Variants in KSR1 observed in about 807,000 individuals in gnomAD.
KSR1 encodes the protein kinase suppressor of ras.
Under a neutral mutation model 92.9 loss-of-function variants are expected in KSR1, and 35 were observed. The observed-to-expected ratio is 0.38, with a 90% CI of 0.29 to 0.50. The LOEUF is 0.50. Ranked by LOEUF, KSR1 falls within the 20% of genes least tolerant of loss-of-function variation. The pLI is 0.94. For synonymous variants in KSR1, 467 were observed against 472.6 expected (o/e 0.99, Z 0.15); for missense variants, 972 against 1,158.5 (o/e 0.84, Z 2.34).
chr17:27,578,534 T>C (rs925437368), intron 3 of KSR1: 4 of 152,304 alleles, frequency 2.6e-5, no homozygotes, highest in African/African-American at 9.6e-5. Context: ...TTCTCACATA[T>C]TACAGGAGAC....
At chr17:27,585,956 C>G (rs1481847646) in intron 5 of KSR1, 1 of 459,066 alleles carries the variant, frequency 2.2e-6, no homozygotes, top group African/African-American at 2.0e-5. Context: ...CCTTCCCCAC[C>G]GAGACTCTCC....
In KSR1 at chr17:27,553,458, G is replaced by C. The variant is rs73983469; in HGVS notation, c.372+2750G>C. On this transcript the variant is annotated intron_variant, in intron 2 of 20. Coordinates refer to ENST00000644974, the MANE Select transcript of KSR1 (RefSeq NM_001394583.1). ...GAGGGCGGCACACCAGCCTGACAGA[G>C]CTGGGCCAAGTGTCCTCCTTCCGTC... 3.0e-3 allele frequency among the ~76,000 whole-genome samples: 452 copies of C among 152,324 alleles called. 3 individuals are homozygous for C. The highest frequency in any genetic ancestry group is 9.7e-3 in the African/African-American group (402 of 41,576).
chr17:27,583,691 T>C (rs1161266044), intron 4 of KSR1, among the ~76,000 whole-genome samples: 1 of 152,272 alleles, frequency 6.6e-6, no homozygotes, highest in East Asian at 1.9e-4. Context: ...TACCATCTAC[T>C]CTGTCCCATG....
chr17:27,527,173 T>G, intron 1 of KSR1: 1 of 259,768 alleles, frequency 3.8e-6, no homozygotes, highest in South Asian at 5.2e-5. Flanking sequence ...GGGTACTCTT[T>G]TCTAGTTCTG....
Position 27,621,210 on chromosome 17 carries a change from A to G in KSR1, c.2645A>G (p.Tyr882Cys), listed in dbSNP as rs1049158780. 8.3e-5 allele frequency: 33 copies of G among 398,638 alleles called. No homozygotes were observed. Among genetic ancestry groups the G allele is most frequent in the Middle Eastern group, 6.3e-4 (1 of 1,590 alleles). The allele number at this position is 398,638 out of a possible 1,614,324, so 24.7% of individuals were successfully genotyped here. A position where few individuals can be genotyped will look rare whatever the true frequency, so the allele number is the denominator to read the frequency against. Reference sequence around the variant, plus strand: ...ACTCCCAGTCGCTGGAGGAGCCGCTACTATGGAAAAGGACGCTACGGCCAC... The same window carrying G: ...ACTCCCAGTCGCTGGAGGAGCCGCTGCTATGGAAAAGGACGCTACGGCCAC... ...WKSADRWRSR[Y>C]YGKGRYGHPD... The change falls in exon 20 of 21, where the codon TAC (tyrosine) becomes TGC (cysteine). Residue 882 changes from tyrosine to cysteine, a missense_variant. Tyr to Cys is a radical substitution (Grantham distance 194, BLOSUM62 -2). Around this residue, in one of 5 missense-constraint regions of KSR1, gnomAD observed 46 missense variants for 39.0 expected, o/e 1.18. Coordinates refer to ENST00000644974, the MANE Select transcript of KSR1 (RefSeq NM_001394583.1).
chr17:27,469,716 G>A (rs73270198), intron 1 of KSR1, among the ~76,000 whole-genome samples: 9,723 of 152,144 alleles, frequency 0.064, 406 homozygotes, highest in South Asian at 0.16. Flanking sequence ...CGCCTTTCAC[G>A]TAGCATTACT....
intron 1 of KSR1, among the ~76,000 whole-genome samples, chr17:27,498,198 C>T (rs62057780): frequency 1.3e-5 from 2 of 151,834 alleles, no homozygotes; most frequent in African/African-American, 4.8e-5. Context: ...AGTGTGGTGG[C>T]GGGCGCCTGT....
chr17:27,596,396 C>T (rs1567869422), intron 9 of KSR1, among the ~76,000 whole-genome samples: 1 of 152,202 alleles, frequency 6.6e-6, no homozygotes, highest in African/African-American at 2.4e-5. Context: ...CTAAAGATGT[C>T]TCACTAGGCA....
chr17:27,564,087 C>G (rs1390324100), intron 2 of KSR1, among the ~76,000 whole-genome samples: 1 of 136,386 alleles, frequency 7.3e-6, no homozygotes, highest in Admixed American at 8.7e-5. Flanking sequence ...CTCCCAGGTT[C>G]AAGCTATTCT....
intron 1 of KSR1, among the ~76,000 whole-genome samples, chr17:27,541,180 A>G (rs1180564362): frequency 6.6e-6 from 1 of 152,206 alleles, no homozygotes; most frequent in Non-Finnish European, 1.5e-5. Context: ...CCTACTGAGG[A>G]GAAAGGAGTC....
chr17:27,573,454 TC>T (rs2072386636), intron 2 of KSR1, among the ~76,000 whole-genome samples: 1 of 152,230 alleles, frequency 6.6e-6, no homozygotes, highest in Non-Finnish European at 1.5e-5. Flanking sequence ...TAAAGGTTTT[TC>T]TGTATATCAT....
intron 1 of KSR1, among the ~76,000 whole-genome samples, chr17:27,541,773 T>A (rs2070975964): frequency 6.6e-6 from 1 of 152,220 alleles, no homozygotes. Flanking sequence ...AAGATGGGAA[T>A]GATGAAGTAC....
chr17:27,493,576 T>A (rs150173776), intron 1 of KSR1, among the ~76,000 whole-genome samples: 1 of 152,348 alleles, frequency 6.6e-6, no homozygotes, highest in African/African-American at 2.4e-5. Flanking sequence ...GACCTTGAAT[T>A]ACCTAAAACC....
chr17:27,621,831 G>T, intron 20 of KSR1: 1 of 1,220,692 alleles, frequency 8.2e-7, no homozygotes, highest in Admixed American at 1.8e-5. Context: ...GGAGTCCCCT[G>T]CCCAGCTGCT....
chr17:27,582,549 C>A, intron 3 of KSR1, 97 bp from the exon 4 acceptor site: 2 of 1,093,602 alleles, frequency 1.8e-6, no homozygotes, highest in Non-Finnish European at 1.3e-6. Context: ...AACAGTGCAG[C>A]CTCACACCAG....
chr17:27,576,467 T>A (rs1204777086), intron 2 of KSR1, among the ~76,000 whole-genome samples: 1 of 152,220 alleles, frequency 6.6e-6, no homozygotes, highest in Non-Finnish European at 1.5e-5. Context: ...ATGTGGTCTC[T>A]CTTCTCTCTC....
intron 2 of KSR1, among the ~76,000 whole-genome samples, chr17:27,570,207 T>G (rs1483661654): frequency 6.6e-6 from 1 of 152,174 alleles, no homozygotes; most frequent in East Asian, 1.9e-4. Flanking sequence ...GTGATGCCAG[T>G]GGTGGCAAAT....
intron 1 of KSR1, among the ~76,000 whole-genome samples, chr17:27,532,022 C>A (rs1179972519): frequency 6.6e-6 from 1 of 152,048 alleles, no homozygotes. Context: ...CCTGGCACTG[C>A]CTTCTACTTT....
intron 1 of KSR1, among the ~76,000 whole-genome samples, chr17:27,466,941 G>A (rs1168337775): frequency 2.0e-5 from 3 of 152,232 alleles, no homozygotes; most frequent in African/African-American, 4.8e-5. Context: ...ACGAATATCT[G>A]TACCTGTTAC....
Sources: allele counts gnomAD v4.1 joint callset (sites outside exome capture counted in the v4.1 genomes callset), GRCh38; gene constraint gnomAD v4.1.1; regional missense constraint gnomAD v4.1.1; transcripts MANE v1.5; gene names NCBI Gene and HGNC (gene_info 2026-07-23, HGNC 2026-07-21).